Variants in UBE3A observed in about 807,000 individuals in gnomAD.
The protein encoded by UBE3A is ubiquitin-protein ligase E3A.
In UBE3A, 6 loss-of-function variants were observed where a neutral mutation model predicts 83.4. That is an observed-to-expected ratio of 0.07 (90% CI 0.04 to 0.14). The LOEUF is 0.14. UBE3A is among the 10% of genes least tolerant of loss of function. UBE3A has a pLI of 1.00. For synonymous variants in UBE3A, 337 were observed against 355.4 expected (o/e 0.95, Z 0.58); for missense variants, 456 against 1,036.1 (o/e 0.44, Z 7.69).
At chr15:25,423,418 C>T (rs1209365819) in intron 1 of UBE3A, among the ~76,000 whole-genome samples, 1 of 152,156 alleles carries the variant, frequency 6.6e-6, no homozygotes, top group African/African-American at 2.4e-5. Context: ...AATGGCCTGA[C>T]ATCTTATTTG....
intron 1 of UBE3A, among the ~76,000 whole-genome samples, chr15:25,429,226 A>C (rs925818872): frequency 5.9e-5 from 9 of 152,228 alleles, no homozygotes; most frequent in Admixed American, 5.2e-4. Flanking sequence ...TTTACTTAAG[A>C]ATCTCAAGAC....
At position 25,409,133 on chromosome 15, in the gene UBE3A, T is replaced by C. The variant is rs1596292532; in HGVS notation, c.-26A>G. ...TCGGTGACATCAGGGTGATCACAGCTTTGAGTCACTGATTAAAAACAGGTT... is the reference window on the plus strand; with the variant it reads ...TCGGTGACATCAGGGTGATCACAGCCTTGAGTCACTGATTAAAAACAGGTT... On this transcript the variant is annotated 5_prime_UTR_variant, in exon 3 of 13. Coordinates refer to ENST00000648336, the MANE Select transcript of UBE3A (RefSeq NM_130839.5). 1 of 1,594,058 alleles carries C rather than the reference T, an allele frequency of 6.3e-7. No individual in the cohort carries two copies. Among genetic ancestry groups the C allele is most frequent in the Non-Finnish European group, 8.6e-7 (1 of 1,169,272 alleles).
chr15:25,395,361 A>G (rs1484842812), intron 4 of UBE3A, among the ~76,000 whole-genome samples: 1 of 152,216 alleles, frequency 6.6e-6, no homozygotes, highest in Non-Finnish European at 1.5e-5. Context: ...TGTAAAGCAC[A>G]AGACTCCTGG....
chr15:25,349,651 AT>A (rs2076211462), intron 11 of UBE3A, among the ~76,000 whole-genome samples: 1 of 152,102 alleles, frequency 6.6e-6, no homozygotes, highest in Non-Finnish European at 1.5e-5. Context: ...TACAATACTC[AT>A]TTTTACCATA....
chr15:25,356,988 A>G, intron 7 of UBE3A, 92 bp from the exon 8 acceptor site: 1 of 1,094,096 alleles, frequency 9.1e-7, no homozygotes. Flanking sequence ...AATTATGCAT[A>G]TAAAACATTT....
chr15:25,360,676 C>A, intron 6 of UBE3A, 149 bp from the exon 7 acceptor site: 2 of 833,652 alleles, frequency 2.4e-6, no homozygotes, highest in Non-Finnish European at 3.7e-6. Flanking sequence ...TGATAAAAAG[C>A]CAGTGAAGAC....
In UBE3A at chr15:25,354,543, A is replaced by G. The variant is rs1229768038; in HGVS notation, c.2265T>C (p.Leu755=). The G allele has an allele frequency of 2.5e-6, 4 of 1,613,814 alleles. No homozygotes were observed. The highest frequency in any genetic ancestry group is 3.4e-6 in the Non-Finnish European group (4 of 1,179,940). ...YLFRPEEIEL[L]ICGSRNLDFQ... ...GCTTTCTTACCCGGCTTCCACATAT[A>G]AGCAATTCAATTTCTTCTGGTCTGA... Residue 755 remains leucine (L), a synonymous_variant, in exon 10 of 13, where the codon CTT becomes CTC. Coordinates refer to ENST00000648336, the MANE Select transcript of UBE3A (RefSeq NM_130839.5).
At chr15:25,415,692 A>G (rs978599790) in intron 1 of UBE3A, 3 of 151,990 alleles carry the variant, frequency 2.0e-5, no homozygotes, top group Non-Finnish European at 4.4e-5. Context: ...ATTTCTCCTT[A>G]TATTTATTAT....
At chr15:25,416,009 A>G (rs2090848835) in intron 1 of UBE3A, among the ~76,000 whole-genome samples, 1 of 152,216 alleles carries the variant, frequency 6.6e-6, no homozygotes. Flanking sequence ...ATATGTAAGA[A>G]TAACCAAAAC....
intron 4 of UBE3A, among the ~76,000 whole-genome samples, chr15:25,381,319 C>G (rs763385486): frequency 5.7e-4 from 87 of 152,062 alleles, no homozygotes; most frequent in Non-Finnish European, 1.0e-3. Flanking sequence ...GCAATGAATA[C>G]AAGCACTAAG....
intron 4 of UBE3A, among the ~76,000 whole-genome samples, chr15:25,387,413 T>C (rs1434687988): frequency 6.6e-6 from 1 of 151,898 alleles, no homozygotes; most frequent in Admixed American, 6.6e-5. Flanking sequence ...TCCCAGCTAC[T>C]TGGGAGGCTG....
chr15:25,412,983 T>C, intron 1 of UBE3A: 1 of 439,808 alleles, frequency 2.3e-6, no homozygotes, highest in Non-Finnish European at 4.5e-6. Context: ...AACGCAGAAA[T>C]GAATTTGCAT....
chr15:25,339,227 C>T lies in UBE3A; in HGVS notation c.2529G>A (p.Val843=). Residue 843 remains valine (V), a synonymous_variant, in exon 13 of 13, where the codon GTG becomes GTA. Transcript: ENST00000648336. ...TGCTTGAGTATTCCGGAAGTAAAAG[C>T]ACATTAAAGCAAGTATGAGATGTAG... is the stretch of plus-strand genomic sequence containing the variant. ...RLPTSHTCFN[V]LLLPEYSSKE... is the part of the protein sequence containing the mutation. 1 of 1,611,634 alleles carries T rather than the reference C, an allele frequency of 6.2e-7. No homozygotes were observed. Among genetic ancestry groups the T allele is most frequent in the Non-Finnish European group, 8.5e-7 (1 of 1,179,136 alleles).
At chr15:25,424,402 T>C (rs1408025674) in intron 1 of UBE3A, among the ~76,000 whole-genome samples, 1 of 152,208 alleles carries the variant, frequency 6.6e-6, no homozygotes, top group Non-Finnish European at 1.5e-5. Flanking sequence ...AAATTTCCCA[T>C]CATCCTTTTC....
intron 4 of UBE3A, among the ~76,000 whole-genome samples, chr15:25,392,145 T>C (rs887385868): frequency 1.3e-5 from 2 of 152,150 alleles, no homozygotes; most frequent in African/African-American, 2.4e-5. Flanking sequence ...AGAACACGAA[T>C]AACGTTCCAT....
intron 6 of UBE3A, among the ~76,000 whole-genome samples, chr15:25,365,315 T>G (rs529434334): frequency 6.6e-6 from 1 of 152,286 alleles, no homozygotes; most frequent in East Asian, 1.9e-4. Flanking sequence ...ACTTAAAATC[T>G]TATAGTTTTC....
At chr15:25,435,628 G>A (rs1365091526) in intron 1 of UBE3A, among the ~76,000 whole-genome samples, 1 of 152,132 alleles carries the variant, frequency 6.6e-6, no homozygotes, top group African/African-American at 2.4e-5. Context: ...ATGAACAAGG[G>A]AAGAGGGCCC....
chr15:25,372,333 T>C (rs2080434172), intron 5 of UBE3A, among the ~76,000 whole-genome samples: 1 of 152,208 alleles, frequency 6.6e-6, no homozygotes, highest in Admixed American at 6.5e-5. Flanking sequence ...ATTTTGGGTC[T>C]TCCTAGTTTG....
In UBE3A at chr15:25,356,775, T is replaced by A. The variant is rs767416040; in HGVS notation, c.1875A>T (p.Ile625=). ...CAACCATGGGAAAATGTACATCCAG[T>A]ATACAGTTATTGTAAATAGCCAGAC... ...VLGLAIYNNC[I]LDVHFPMVVY... Residue 625 remains isoleucine, a synonymous_variant, in exon 8 of 13, where the codon ATA becomes ATT. Coordinates refer to ENST00000648336, the MANE Select transcript of UBE3A (RefSeq NM_130839.5). 2 of 1,613,844 alleles carry A rather than the reference T, an allele frequency of 1.2e-6. No homozygotes were observed. The highest frequency in any genetic ancestry group is 2.2e-5 in the South Asian group (2 of 91,072).
Sources: gnomAD v4.1 joint callset for allele counts (sites outside exome capture counted in the v4.1 genomes callset) on GRCh38, gnomAD v4.1.1 for gene constraint, MANE v1.5 for transcripts, NCBI Gene and HGNC (gene_info 2026-07-23, HGNC 2026-07-21) for gene names.